Variants in CLVS1 observed in about 807,000 individuals in gnomAD.
CLVS1 encodes clavesin-1.
In CLVS1, 10 loss-of-function variants were observed where a neutral mutation model predicts 33.1. The ratio of observed to expected loss-of-function variants is 0.30; its 90% CI spans 0.19 to 0.51. CLVS1 has a LOEUF of 0.51. Ranked by LOEUF, CLVS1 falls within the 20% of genes least tolerant of loss-of-function variation. CLVS1 has a pLI of 0.97. For missense variants in CLVS1, 343 were observed against 433.4 expected, an observed-to-expected ratio of 0.79 and a Z score of 1.85; for synonymous variants, 163 against 166.1, an observed-to-expected ratio of 0.98 and a Z score of 0.14.
rs556409209 is a variant in CLVS1 at position 61,388,739 on chromosome 8, A to G, written c.630+11960A>G. On this transcript the variant is annotated intron_variant, in intron 3 of 5. Coordinates refer to ENST00000325897, the MANE Select transcript of CLVS1 (RefSeq NM_173519.3). ...ATGAGATCAGGCTAATTAGCATATC[A>G]GTATCTCAAACATTTGTCATTTCTT... Among the ~76,000 whole-genome samples the G allele has an allele frequency of 3.9e-5, 6 of 152,296 alleles. No homozygotes were observed. The East Asian group carries it at 1.2e-3, about 29-fold the overall frequency.
chr8:61,220,713 T>C (rs1808190333), intron 2 of CLVS1, among the ~76,000 whole-genome samples: 1 of 152,164 alleles, frequency 6.6e-6, no homozygotes, highest in African/African-American at 2.4e-5. Flanking sequence ...AGTGGTAGTT[T>C]GATGGGAATA....
At position 61,203,262 on chromosome 8, in the gene CLVS1, G is replaced by A. The variant is rs16922680; in HGVS notation, c.-152+71402G>A. On this transcript the variant is annotated intron_variant, in intron 2 of 2. Transcript: ENST00000522621. ...TTAAACAATTTGTTAAAAATTTTCC[G>A]TCTTATTTCATTTCTGTAACAGTTG... 3.3e-4 allele frequency: 305 copies of A among 929,476 alleles called. 1 individual carries two copies. In the African/African-American group the frequency reaches 3.5e-3, roughly 11 times the overall value. The allele number at this position is 929,476 out of a possible 1,614,324, so 57.6% of individuals were successfully genotyped here. A position where few individuals can be genotyped will look rare whatever the true frequency, so the allele number is the denominator to read the frequency against.
upstream of CLVS1, among the ~76,000 whole-genome samples, chr8:61,053,945 A>G (rs531520073): frequency 1.6e-4 from 25 of 152,322 alleles, 1 homozygote; most frequent in African/African-American, 6.0e-4. Context: ...GTCCTGCCCA[A>G]GGCCTGCTGC....
At chr8:61,359,716 A>AT (rs1379350312) in intron 2 of CLVS1, among the ~76,000 whole-genome samples, 2 of 152,152 alleles carry the variant, frequency 1.3e-5, no homozygotes, top group Admixed American at 6.6e-5. Context: ...ATATGACTGC[A>AT]TTTTACTAAT....
At chr8:61,002,628 C>G in the CLVS1 span, among the ~76,000 whole-genome samples, 5 of 152,144 alleles carry the variant, frequency 3.3e-5, no homozygotes, top group African/African-American at 4.8e-5. Context: ...CTGCACCCAG[C>G]CTGTATGCTT....
chr8:60,977,691 T>A, the CLVS1 span, among the ~76,000 whole-genome samples: 1 of 152,162 alleles, frequency 6.6e-6, no homozygotes, highest in Non-Finnish European at 1.5e-5. Context: ...TTGGGTATCA[T>A]TAAACACACC....
chr8:61,023,890 G>A, the CLVS1 span, among the ~76,000 whole-genome samples: 1 of 152,214 alleles, frequency 6.6e-6, no homozygotes, highest in African/African-American at 2.4e-5. Context: ...CGGAGAGACT[G>A]GCTGCTGAGG....
At chr8:61,008,015 C>G in the CLVS1 span, among the ~76,000 whole-genome samples, 2 of 152,230 alleles carry the variant, frequency 1.3e-5, no homozygotes, top group Admixed American at 1.3e-4. Flanking sequence ...GACTCCTGCC[C>G]AGGAACGAAG....
intron 1 of CLVS1, among the ~76,000 whole-genome samples, chr8:61,113,026 G>A (rs1454176874): frequency 1.3e-5 from 2 of 152,100 alleles, no homozygotes; most frequent in African/African-American, 4.8e-5. Context: ...GTATTGCTAT[G>A]GCATCTGGAG....
the CLVS1 span, among the ~76,000 whole-genome samples, chr8:61,039,049 T>C: frequency 6.6e-6 from 1 of 152,198 alleles, no homozygotes; most frequent in African/African-American, 2.4e-5. Flanking sequence ...CATTCAATTT[T>C]TTCTCACATA....
chr8:61,368,942 T>A (rs941309401), intron 2 of CLVS1, among the ~76,000 whole-genome samples: 10 of 152,188 alleles, frequency 6.6e-5, no homozygotes, highest in South Asian at 2.1e-4. Context: ...TTCAAAGAGA[T>A]GAAAATTTGC....
chr8:61,131,668 C>T (rs1806100795), intron 1 of CLVS1: 1 of 149,946 alleles, frequency 6.7e-6, no homozygotes, highest in South Asian at 2.1e-4. Context: ...TTTCTAGGGG[C>T]CAGTTTTTTT....
chr8:61,461,545 C>T (rs983759868), intron 5 of CLVS1, among the ~76,000 whole-genome samples: 3 of 152,184 alleles, frequency 2.0e-5, no homozygotes, highest in African/African-American at 7.2e-5. Flanking sequence ...TATGCGTTTT[C>T]CATGAACTTT....
At position 61,138,614 on chromosome 8, in the gene CLVS1, T is replaced by C. The variant is rs116357482; in HGVS notation, c.-152+6754T>C. Among the ~76,000 whole-genome samples, 995 of 142,034 alleles carry C rather than the reference T, an allele frequency of 7.0e-3. 7 individuals carry two copies. Among genetic ancestry groups the C allele is most frequent in the African/African-American group, 0.025 (940 of 37,626 alleles). 93.2% of individuals were successfully genotyped at this position (142,034 alleles called of 152,430 possible). ...CAGGGAGGTTGATCAGAAGCAGGAA[T>C]GAATGAACATGGGGTAAGGGTGGGG... On this transcript the variant is annotated intron_variant, in intron 2 of 2. Transcript: ENST00000522621.
chr8:61,086,572 T>G (rs1805131026), intron 1 of CLVS1, among the ~76,000 whole-genome samples: 1 of 152,194 alleles, frequency 6.6e-6, no homozygotes, highest in Non-Finnish European at 1.5e-5. Context: ...ATTTTCTGAA[T>G]AGCTAAAGAA....
At chr8:61,392,866 A>G (rs946629612) in intron 3 of CLVS1, among the ~76,000 whole-genome samples, 2 of 151,752 alleles carry the variant, frequency 1.3e-5, no homozygotes, top group African/African-American at 2.4e-5. Flanking sequence ...ATTTTAAATC[A>G]TTGTTTAATT....
rs146661573 is a variant in CLVS1, at chr8:61,169,026, A to G, written c.-152+37166A>G. ...GAGACCTAGCCTTGACGAAAGTCCTACTGTCTCCTTAAATGAGCTACAACT... is the reference window on the plus strand; with the variant it reads ...GAGACCTAGCCTTGACGAAAGTCCTGCTGTCTCCTTAAATGAGCTACAACT... On this transcript the variant is annotated intron_variant, in intron 2 of 2. Transcript: ENST00000522621. 2.4e-3 allele frequency among the ~76,000 whole-genome samples: 364 copies of G among 152,322 alleles called. 2 individuals carry two copies. The highest frequency in any genetic ancestry group is 0.023 in the South Asian group (110 of 4,830).
chr8:61,145,121 A>G (rs1344954580), intron 2 of CLVS1, among the ~76,000 whole-genome samples: 15 of 152,228 alleles, frequency 9.9e-5, no homozygotes, highest in Admixed American at 9.2e-4. Context: ...TAATAAACTA[A>G]AAAGCTTCTG....
the CLVS1 span, among the ~76,000 whole-genome samples, chr8:61,021,417 C>G: frequency 6.6e-6 from 1 of 152,284 alleles, no homozygotes; most frequent in East Asian, 1.9e-4. Flanking sequence ...ATGGCGCGAT[C>G]TCAGTTTACT....
Sources: allele counts gnomAD v4.1 joint callset (sites outside exome capture counted in the v4.1 genomes callset), GRCh38; gene constraint gnomAD v4.1.1; transcripts MANE v1.5; gene names NCBI Gene and HGNC (gene_info 2026-07-23, HGNC 2026-07-21).